The following DAP variants were observed in gnomAD, a reference collection of about 807,000 sequenced individuals.
DAP encodes the protein death associated protein, also known as death-associated protein 1.
In DAP, 8 loss-of-function variants were observed where a neutral mutation model predicts 13.8. That is an observed-to-expected ratio of 0.58 (90% CI 0.34 to 1.05). The LOEUF is 1.05. DAP is among the 50% of genes least tolerant of loss of function. The pLI, the probability that DAP is intolerant of heterozygous loss-of-function variation, is 0.03. For synonymous variants in DAP, 47 were observed against 47.5 expected, an observed-to-expected ratio of 0.99 and a Z score of 0.04; for missense variants, 106 against 133.2, an observed-to-expected ratio of 0.80 and a Z score of 1.01.
intron 2 of DAP, among the ~76,000 whole-genome samples, chr5:10,701,894 A>C (rs1738587777): frequency 6.6e-6 from 1 of 152,152 alleles, no homozygotes; most frequent in Non-Finnish European, 1.5e-5. Flanking sequence ...GGGACACTTA[A>C]GTTTCATTTT....
At chr5:10,720,184 G>A (rs553223135) in intron 2 of DAP, among the ~76,000 whole-genome samples, 2 of 152,230 alleles carry the variant, frequency 1.3e-5, no homozygotes, top group South Asian at 4.2e-4. Flanking sequence ...TCTGACCAAG[G>A]AGACCATGGG....
chr5:10,685,487 T>A (rs1738133875), intron 2 of DAP, among the ~76,000 whole-genome samples: 1 of 151,246 alleles, frequency 6.6e-6, no homozygotes, highest in South Asian at 2.1e-4. Flanking sequence ...GCTCAGGAAC[T>A]GTGGTCTGAA....
rs569951577 is a variant in DAP at position 10,707,836 on chromosome 5, G to A, written c.153-24265C>T. On this transcript the variant is annotated intron_variant, in intron 2 of 3. Transcript: ENST00000230895. The surrounding 1 kb of genome is among the most constrained non-coding windows in gnomAD (Gnocchi z 4.0). ...GTGGCACTGGATGAGTACTGGCTCT[G>A]CTCATCATCCAGTTCTCTTTTAGAT... Among the ~76,000 whole-genome samples the A allele has an allele frequency of 7.9e-5, 12 of 152,298 alleles. No homozygotes were observed. The East Asian group carries it at 2.3e-3, about 29-fold the overall frequency.
chr5:10,722,949 T>C (rs750693405), intron 2 of DAP, among the ~76,000 whole-genome samples: 23 of 152,220 alleles, frequency 1.5e-4, no homozygotes, highest in Non-Finnish European at 2.2e-4. Context: ...CAGTGTTCGA[T>C]GTACCGAAAA....
At chr5:10,760,389 A>G (rs1740311572) in intron 1 of DAP, among the ~76,000 whole-genome samples, 2 of 152,106 alleles carry the variant, frequency 1.3e-5, no homozygotes, top group East Asian at 3.9e-4. Flanking sequence ...TTAGATCCCT[A>G]TGTTCTAAGA....
chr5:10,736,028 G>A lies in DAP; in HGVS notation c.152+12147C>T, dbSNP rs530992047. On this transcript the variant is annotated intron_variant, in intron 2 of 3. Transcript: ENST00000230895. The stretch of plus-strand genomic sequence containing the variant: ...AGGCCCCTAATGCAATAGGACAGGT[G>A]TCTTTATAAAAAGGGGAAGTTTGGT... Among the ~76,000 whole-genome samples, 12 of 152,330 alleles carry A rather than the reference G, an allele frequency of 7.9e-5. No individual in the cohort carries two copies. The South Asian group carries it at 1.9e-3, about 24-fold the overall frequency.
chr5:10,743,807 A>C (rs899478376), intron 2 of DAP, among the ~76,000 whole-genome samples: 1 of 152,220 alleles, frequency 6.6e-6, no homozygotes, highest in Non-Finnish European at 1.5e-5. Flanking sequence ...ATAATAATGA[A>C]GACTATTACT....
At chr5:10,705,931 A>G (rs193233560) in intron 2 of DAP, among the ~76,000 whole-genome samples, 279 of 152,338 alleles carry the variant, frequency 1.8e-3, no homozygotes, top group African/African-American at 6.4e-3. Flanking sequence ...CCCCTGAATC[A>G]TGTGAGAGCC....
chr5:10,711,032 T>C (rs1437585315), intron 2 of DAP, among the ~76,000 whole-genome samples: 2 of 152,182 alleles, frequency 1.3e-5, no homozygotes, highest in Non-Finnish European at 1.5e-5. Flanking sequence ...AGCTAATAAA[T>C]AACAACTGAG....
intron 2 of DAP, among the ~76,000 whole-genome samples, chr5:10,690,384 ATAT>A (rs1486526656): frequency 1.3e-5 from 2 of 151,892 alleles, no homozygotes; most frequent in Non-Finnish European, 2.9e-5. Context: ...AAGTATATTC[ATAT>A]TATTATGCTA....
At chr5:10,697,938 TCA>T (rs1418177945) in intron 2 of DAP, among the ~76,000 whole-genome samples, 1 of 152,082 alleles carries the variant, frequency 6.6e-6, no homozygotes, top group Non-Finnish European at 1.5e-5. Context: ...GGCTGGAAAG[TCA>T]CAGAGCTACG....
At chr5:10,735,798 GC>G (rs1451537163) in intron 2 of DAP, among the ~76,000 whole-genome samples, 1 of 152,172 alleles carries the variant, frequency 6.6e-6, no homozygotes, top group Non-Finnish European at 1.5e-5. Flanking sequence ...TGCTGTCATT[GC>G]TGTTGGAATG....
At chr5:10,684,517 G>A (rs1192855535) in intron 2 of DAP, among the ~76,000 whole-genome samples, 2 of 152,232 alleles carry the variant, frequency 1.3e-5, no homozygotes, top group African/African-American at 4.8e-5. Flanking sequence ...CAAATCGCCA[G>A]CAGGTCTACC....
intron 2 of DAP, among the ~76,000 whole-genome samples, chr5:10,700,014 C>T (rs963393035): frequency 6.6e-6 from 1 of 152,214 alleles, no homozygotes; most frequent in East Asian, 1.9e-4. Flanking sequence ...GGCCCCTCTC[C>T]GAGCTGAGAT....
chr5:10,751,539 C>T (rs1740045750), intron 1 of DAP, among the ~76,000 whole-genome samples: 1 of 152,130 alleles, frequency 6.6e-6, no homozygotes, highest in Admixed American at 6.5e-5. Context: ...CACCTCTTTC[C>T]CATGCTCATC....
rs1012743812 is a variant in DAP at position 10,734,436 on chromosome 5, C to A, written c.152+13739G>T. On this transcript the variant is annotated intron_variant, in intron 2 of 3. Coordinates refer to ENST00000230895, the MANE Select transcript of DAP (RefSeq NM_004394.3). ...GGCCGCCCGCACTTTCTTTCTTATC[C>A]CCAAATCTAAGGAGTTCAGCCAGGA... Among the ~76,000 whole-genome samples the A allele has an allele frequency of 3.3e-5, 5 of 152,266 alleles. No homozygotes were observed. The East Asian group carries it at 5.8e-4, about 18-fold the overall frequency.
At chr5:10,747,468 T>C (rs538794680) in intron 2 of DAP, among the ~76,000 whole-genome samples, 1 of 152,304 alleles carries the variant, frequency 6.6e-6, no homozygotes, top group East Asian at 1.9e-4. Flanking sequence ...CTTGTAATTC[T>C]AGATCTGGCT....
rs1737937271 is a variant in DAP, at chr5:10,679,866, GGCT to G, written c.*1187_*1189del. ...CACAGTTGCTGACCTGCAGCAGATC[GGCT>G]GTGGGTGAGCAGGACAGTCAGGCCC... On this transcript the variant is annotated 3_prime_UTR_variant, in exon 4 of 4. Coordinates refer to ENST00000230895, the MANE Select transcript of DAP (RefSeq NM_004394.3). 1 of 152,328 alleles carries G rather than the reference GGCT, an allele frequency of 6.6e-6. No individual in the cohort carries two copies. The allele number at this position is 152,328 out of a possible 1,614,324, so 9.4% of individuals were successfully genotyped here.
intron 2 of DAP, among the ~76,000 whole-genome samples, chr5:10,747,258 G>A (rs2111383269): frequency 6.6e-6 from 1 of 152,296 alleles, no homozygotes; most frequent in South Asian, 2.1e-4. Context: ...TGTGTTAGTG[G>A]TGCCTGTTTG....
Sources: gnomAD v4.1 joint callset for allele counts (sites outside exome capture counted in the v4.1 genomes callset) on GRCh38, gnomAD v4.1.1 for gene constraint, Gnocchi (gnomAD v3.1) non-coding constraint, MANE v1.5 for transcripts, NCBI Gene and HGNC (gene_info 2026-07-23, HGNC 2026-07-21) for gene names.